POLR3C: variants seen among roughly 807,000 people sequenced by gnomAD.
POLR3C encodes the protein RNA polymerase III subunit C, also known as DNA-directed RNA polymerase III subunit RPC3.
In POLR3C, 44 loss-of-function variants were observed where a neutral mutation model predicts 65.9. The ratio of observed to expected loss-of-function variants is 0.67; its 90% CI spans 0.52 to 0.86. POLR3C has a LOEUF of 0.86. POLR3C is among the 40% of genes least tolerant of loss of function. The pLI is 0.00. For missense variants in POLR3C, 576 were observed against 653.2 expected, an observed-to-expected ratio of 0.88 and a Z score of 1.29; for synonymous variants, 263 against 231.6, an observed-to-expected ratio of 1.14 and a Z score of -1.23.
chr1:145,824,309 A>G lies in POLR3C; in HGVS notation c.-81A>G, dbSNP rs1382759283. 6.4e-6 allele frequency: 2 copies of G among 311,832 alleles called. No homozygotes were observed. Among genetic ancestry groups the G allele is most frequent in the Non-Finnish European group, 1.3e-5 (2 of 158,034 alleles). The allele number at this position is 311,832 out of a possible 1,614,324, so 19.3% of individuals were successfully genotyped here. On this transcript the variant is annotated 5_prime_UTR_variant, in exon 1 of 15. Coordinates refer to ENST00000334163, the MANE Select transcript of POLR3C (RefSeq NM_006468.8). ...TAGAAGGCCAGCGGGAGCCGTAGGAAGCCGTCGCGGGAAGCTCAGCCGAAT... is the reference window on the plus strand; with the variant it reads ...TAGAAGGCCAGCGGGAGCCGTAGGAGGCCGTCGCGGGAAGCTCAGCCGAAT...
chr1:145,833,151 C>A, intron 5 of POLR3C, 109 bp from the exon 6 acceptor site: 3 of 647,850 alleles, frequency 4.6e-6, no homozygotes, highest in Non-Finnish European at 5.4e-6. Flanking sequence ...TTTTTCCAAC[C>A]AATGTAATTG....
In POLR3C at chr1:145,836,539, C is replaced by T; in HGVS notation, c.922C>T (p.Leu308Phe). The T allele has an allele frequency of 6.2e-7, 1 of 1,609,806 alleles. No individual in the cohort carries two copies. The highest frequency in any genetic ancestry group is 8.5e-7 in the Non-Finnish European group (1 of 1,176,132). The stretch of plus-strand genomic sequence containing the variant: ...TGGCTATAACATCTCTAAGCAAGTT[C>T]TTGATCAGTATCTCACTCTGCTGGC... ...PVGYNISKQV[L>F]DQYLTLLADD... Residue 308 changes from leucine to phenylalanine, a missense_variant, in exon 8 of 15, where the codon CTT becomes TTT. Coordinates refer to ENST00000334163, the MANE Select transcript of POLR3C (RefSeq NM_006468.8).
intron 7 of POLR3C, among the ~76,000 whole-genome samples, chr1:145,834,582 G>A (rs1651638493): frequency 6.6e-6 from 1 of 151,996 alleles, no homozygotes; most frequent in Admixed American, 6.5e-5. Flanking sequence ...GGCTGAGGCA[G>A]GAGAATTGCT....
chr1:145,833,457 T>C (rs371636168), intron 6 of POLR3C, 33 bp from the exon 7 acceptor site: 82 of 1,581,310 alleles, frequency 5.2e-5, no homozygotes, highest in Admixed American at 3.3e-5. Flanking sequence ...GGCAGCACTG[T>C]GATTTCTGAA....
rs1652438401 is a variant in POLR3C at position 145,843,440 on chromosome 1, T to C, written c.*1020T>C. On this transcript the variant is annotated 3_prime_UTR_variant, in exon 15 of 15. Transcript: ENST00000334163. ...TTCTAATTGTTTAAACACTTGAGTG[T>C]CAAACAATTGCCAGCCACCATACTA... is the stretch of plus-strand genomic sequence containing the variant. Among the ~76,000 whole-genome samples, 1 of 152,166 alleles carries C rather than the reference T, an allele frequency of 6.6e-6. No individual in the cohort carries two copies. Among genetic ancestry groups the C allele is most frequent in the Non-Finnish European group, 1.5e-5 (1 of 68,038 alleles).
chr1:145,842,342 G>T lies in POLR3C; in HGVS notation c.1527G>T (p.Leu509Phe), dbSNP rs782145921. The change falls in exon 15 of 15, where the codon TTG (leucine) becomes TTT (phenylalanine). Residue 509 changes from leucine (L) to phenylalanine (F), a missense_variant. Transcript: ENST00000334163. Reference protein sequence around the residue: ...LETLKRNVNKLDASEIQVDET... With the variant: ...LETLKRNVNKFDASEIQVDET... ...AATGCCTTTACTTTTCACTCAGGTT[G>T]GATGCCAGTGAGATCCAGGTGGACG... The T allele has an allele frequency of 4.4e-6, 7 of 1,600,364 alleles. No individual in the cohort carries two copies. In the African/African-American group the frequency reaches 9.4e-5, roughly 21 times the overall value.
At chr1:145,834,597 C>T (rs1475295689) in intron 7 of POLR3C, among the ~76,000 whole-genome samples, 1 of 151,952 alleles carries the variant, frequency 6.6e-6, no homozygotes, top group Non-Finnish European at 1.5e-5. Context: ...ATTGCTTGAA[C>T]CCAGGAGGCA....
Position 145,836,686 on chromosome 1 carries a change from G to A in POLR3C, c.957+112G>A. 3.2e-6 allele frequency: 3 copies of A among 938,550 alleles called. 1 individual carries two copies. The highest frequency in any genetic ancestry group is 2.6e-5 in the South Asian group (2 of 76,332). The allele number at this position is 938,550 out of a possible 1,614,324, so 58.1% of individuals were successfully genotyped here. On this transcript the variant is annotated intron_variant, in intron 8 of 14. Coordinates refer to ENST00000334163, the MANE Select transcript of POLR3C (RefSeq NM_006468.8). ...TGCAGAGTTATTCTCTACCTAGCCA[G>A]CCCAGACAATTTCTCCACATCATTT...
At chr1:145,837,067 G>A (rs1160966479) in intron 9 of POLR3C, among the ~76,000 whole-genome samples, 4 of 152,190 alleles carry the variant, frequency 2.6e-5, no homozygotes, top group Admixed American at 2.6e-4. Flanking sequence ...GGTGGACTTT[G>A]GGAGGCTGAG....
chr1:145,832,331 GAA>G lies in POLR3C; in HGVS notation c.679-928_679-927del, dbSNP rs1247368494. ...AGCTTGGCTGTGACACTAAGGAAAA[GAA>G]GAGAAGGCATAGGGTTGAAAGAGAA... is the stretch of plus-strand genomic sequence containing the variant. On this transcript the variant is annotated intron_variant, in intron 5 of 14. Transcript: ENST00000334163. Among the ~76,000 whole-genome samples, 7 of 152,266 alleles carry G rather than the reference GAA, an allele frequency of 4.6e-5. No individual in the cohort carries two copies. The East Asian group carries it at 1.4e-3, about 29-fold the overall frequency.
At chr1:145,828,609 T>C (rs950584709) in intron 4 of POLR3C, 140 bp from the exon 5 acceptor site, 18 of 627,276 alleles carry the variant, frequency 2.9e-5, no homozygotes, top group South Asian at 1.4e-4. Flanking sequence ...GAGTTTCTTA[T>C]AGCTCTTCAG....
In POLR3C at chr1:145,841,028, C is replaced by T; in HGVS notation, c.1480C>T (p.Pro494Ser). Residue 494 changes from proline to serine, a missense_variant, in exon 14 of 15, where the codon CCT (proline) becomes TCT (serine). Physicochemically the swap from Pro to Ser is moderately conservative, Grantham distance 74 (BLOSUM62 -1). Transcript: ENST00000334163. ...LQEIEEMITA[P>S]ERQQLETLKR... ...AGAAATAGAGGAGATGATCACAGCT[C>T]CTGAACGTCAGCAGCTAGAGACCCT... 6.2e-7 allele frequency: 1 copy of T among 1,613,176 alleles called. No individual in the cohort carries two copies. Among genetic ancestry groups the T allele is most frequent in the Non-Finnish European group, 8.5e-7 (1 of 1,179,170 alleles).
intron 1 of POLR3C, 87 bp downstream of exon 1, chr1:145,824,456 A>C: frequency 2.2e-6 from 2 of 894,446 alleles, no homozygotes; most frequent in Non-Finnish European, 3.2e-6. Flanking sequence ...AAGGAAGTGT[A>C]GAGCTAGGAG....
Position 145,825,839 on chromosome 1 carries a change from A to G in POLR3C, c.63A>G (p.Val21=). Residue 21 remains valine, a synonymous_variant, in exon 2 of 15, where the codon GTA becomes GTG. Transcript: ENST00000334163. The part of the protein sequence containing the change: ...LLLQEHFGEI[V]EKIGVHLIRT... Reference sequence around the variant, plus strand: ...TGCAAGAGCATTTTGGAGAGATTGTAGAAAAAATTGGAGTCCATCTGATAA... The same window carrying G: ...TGCAAGAGCATTTTGGAGAGATTGTGGAAAAAATTGGAGTCCATCTGATAA... 6.2e-7 allele frequency: 1 copy of G among 1,613,314 alleles called. No homozygotes were observed. Among genetic ancestry groups the G allele is most frequent in the Non-Finnish European group, 8.5e-7 (1 of 1,179,194 alleles).
chr1:145,843,342 T>C lies in POLR3C; in HGVS notation c.*922T>C, dbSNP rs1652432051. 6.6e-6 allele frequency among the ~76,000 whole-genome samples: 1 copy of C among 151,726 alleles called. No individual in the cohort carries two copies. Among genetic ancestry groups the C allele is most frequent in the South Asian group, 2.1e-4 (1 of 4,826 alleles). ...CTCTCAGTATCACGGATATAATTTG[T>C]CCCAGCAGCTTTAATTCATTTAAAG... On this transcript the variant is annotated 3_prime_UTR_variant, in exon 15 of 15. Coordinates refer to ENST00000334163, the MANE Select transcript of POLR3C (RefSeq NM_006468.8).
In POLR3C at chr1:145,840,119, A is replaced by T; in HGVS notation, c.1327A>T (p.Ile443Leu). Residue 443 changes from isoleucine to leucine, a missense_variant, in exon 13 of 15, where the codon ATA becomes TTA. By Grantham distance (5) the Ile-to-Leu change is conservative. Coordinates refer to ENST00000334163, the MANE Select transcript of POLR3C (RefSeq NM_006468.8). ...RMLLHRCYKS[I>L]ANLIERRQFE... ...TGTCTGTCTTCTCTTTCCTCAGAGC[A>T]TAGCCAACTTGATAGAAAGGAGGCA... The T allele has an allele frequency of 1.2e-6, 2 of 1,607,510 alleles. No homozygotes were observed. The highest frequency in any genetic ancestry group is 2.7e-5 in the African/African-American group (2 of 74,936).
chr1:145,830,366 A>G (rs1651202603), intron 5 of POLR3C, among the ~76,000 whole-genome samples: 1 of 152,134 alleles, frequency 6.6e-6, no homozygotes, highest in Non-Finnish European at 1.5e-5. Context: ...GCCAAGATTT[A>G]GAGTCTGAAA....
Position 145,826,939 on chromosome 1 carries a change from C to A in POLR3C, c.523C>A (p.Pro175Thr). 6.2e-7 allele frequency: 1 copy of A among 1,613,504 alleles called. No homozygotes were observed. Among genetic ancestry groups the A allele is most frequent in the South Asian group, 1.1e-5 (1 of 90,968 alleles). ...TTENSDPGPP[P>T]PAPTLVINEK... ...TGAGAATTCAGACCCTGGGCCACCA[C>A]CACCTGCCCCCACACTTGTCATTAA... The change falls in exon 4 of 15, where the codon CCA becomes ACA. Residue 175 changes from proline to threonine, a missense_variant. Pro to Thr is a conservative substitution (Grantham distance 38). Coordinates refer to ENST00000334163, the MANE Select transcript of POLR3C (RefSeq NM_006468.8).
chr1:145,837,707 A>AT (rs1651967841), intron 10 of POLR3C, 111 bp downstream of exon 10: 1 of 789,400 alleles, frequency 1.3e-6, no homozygotes, highest in Non-Finnish European at 2.3e-6. Context: ...ACTTTTCCCC[A>AT]TTTTTTCACT....
Sources: allele counts gnomAD v4.1 joint callset (sites outside exome capture counted in the v4.1 genomes callset), GRCh38; gene constraint gnomAD v4.1.1; transcripts MANE v1.5; gene names NCBI Gene and HGNC (gene_info 2026-07-23, HGNC 2026-07-21).